The following ZC3H14 variants were observed in gnomAD, a reference collection of about 807,000 sequenced individuals.
The protein encoded by ZC3H14 is zinc finger CCCH-type containing 14.
In ZC3H14, 31 loss-of-function variants were observed where a neutral mutation model predicts 92.4. The observed-to-expected ratio is 0.34, with a 90% CI of 0.25 to 0.45. The LOEUF is 0.45. Ranked by LOEUF, ZC3H14 falls within the 20% of genes least tolerant of loss-of-function variation. The pLI is 1.00. For synonymous variants in ZC3H14, 321 were observed against 300.9 expected (o/e 1.07, Z -0.69); for missense variants, 781 against 897.3 (o/e 0.87, Z 1.66).
At chr14:88,598,467 C>G (rs1595745526) in intron 10 of ZC3H14, among the ~76,000 whole-genome samples, 1 of 152,176 alleles carries the variant, frequency 6.6e-6, no homozygotes, top group Non-Finnish European at 1.5e-5. Context: ...TAACCCTCCC[C>G]CAACCATTGT....
intron 10 of ZC3H14, 25 bp downstream of exon 10, chr14:88,596,833 G>A (rs755978102): frequency 2.3e-4 from 374 of 1,597,412 alleles, no homozygotes; most frequent in Non-Finnish European, 3.0e-4. Flanking sequence ...AAGTTGTACT[G>A]TAATCCAGCC....
intron 15 of ZC3H14, among the ~76,000 whole-genome samples, chr14:88,610,047 T>C (rs1216201052): frequency 6.6e-6 from 1 of 152,284 alleles, no homozygotes; most frequent in African/African-American, 2.4e-5. Flanking sequence ...AGTCACATTT[T>C]CCATTATTCC....
In ZC3H14 at chr14:88,609,816, A is replaced by G. The variant is rs776281647; in HGVS notation, c.2097+13A>G. On this transcript the variant is annotated intron_variant, in intron 15 of 16. Coordinates refer to ENST00000251038, the MANE Select transcript of ZC3H14 (RefSeq NM_024824.5). ...CTATCATCCAAAAGTAAGAACTTCTATTTTCTCAAATCAATTTAGTGACAA... is the reference window on the plus strand; with the variant it reads ...CTATCATCCAAAAGTAAGAACTTCTGTTTTCTCAAATCAATTTAGTGACAA... 2.4e-5 allele frequency: 39 copies of G among 1,610,660 alleles called. No individual in the cohort carries two copies. In the East Asian group the frequency reaches 4.7e-4, roughly 19 times the overall value.
chr14:88,581,829 AT>A (rs1430489182), intron 9 of ZC3H14, among the ~76,000 whole-genome samples: 4 of 152,246 alleles, frequency 2.6e-5, no homozygotes, highest in East Asian at 1.9e-4. Flanking sequence ...TCATAATGAC[AT>A]TTTAAAAAAA....
At chr14:88,593,771 A>T (rs1042536452) in intron 9 of ZC3H14, among the ~76,000 whole-genome samples, 3 of 152,216 alleles carry the variant, frequency 2.0e-5, no homozygotes, top group African/African-American at 7.2e-5. Flanking sequence ...GGAAAAAAAT[A>T]GATATGTCTT....
intron 1 of ZC3H14, 96 bp downstream of exon 1, chr14:88,563,265 GCCTGGCCTCC>G (rs2079101774): frequency 6.5e-7 from 1 of 1,543,476 alleles, no homozygotes; most frequent in Admixed American, 2.0e-5. Flanking sequence ...GGACGCCGCG[GCCTGGCCTCC>G]GCTGGACGCT....
chr14:88,572,600 G>A lies in ZC3H14; in HGVS notation c.454G>A (p.Ala152Thr). Reference sequence around the variant, plus strand: ...TAGACAGACTTACGATGATGGAGCTGCAACCCGACTAATGTCAACAGTGAA... The same window carrying A: ...TAGACAGACTTACGATGATGGAGCTACAACCCGACTAATGTCAACAGTGAA... ...NVRQTYDDGA[A>T]TRLMSTVKPL... Residue 152 changes from alanine (A) to threonine (T), a missense_variant, in exon 6 of 17, where the codon GCA becomes ACA. Coordinates refer to ENST00000251038, the MANE Select transcript of ZC3H14 (RefSeq NM_024824.5). 1 of 1,614,144 alleles carries A rather than the reference G, an allele frequency of 6.2e-7. No homozygotes were observed. The highest frequency in any genetic ancestry group is 2.2e-5 in the East Asian group (1 of 44,870).
intron 15 of ZC3H14, among the ~76,000 whole-genome samples, chr14:88,610,062 A>ATTTAAGTATATGGATGGGTTT (rs1180092034): frequency 1.3e-5 from 2 of 152,156 alleles, no homozygotes; most frequent in Non-Finnish European, 2.9e-5. Context: ...TATTCCCTGC[A>ATTTAAGTATATGGATGGGTTT]TTTAAGTATA....
At chr14:88,595,263 A>G (rs553495390) in intron 9 of ZC3H14, 4 of 1,398,466 alleles carry the variant, frequency 2.9e-6, no homozygotes, top group South Asian at 1.5e-5. Flanking sequence ...ATTCTGCTTG[A>G]TTTAGCTTAG....
At position 88,616,807 on chromosome 14, in the gene ZC3H14, T is replaced by A; in HGVS notation, c.*5056T>A. ...TAACAAGACTGATTCCTGAATGAGA[T>A]ACACAGGCACAGTTGACATCAGCTT... is the stretch of plus-strand genomic sequence containing the variant. On this transcript the variant is annotated 3_prime_UTR_variant, in exon 17 of 17. Transcript: ENST00000251038. 1 of 1,613,916 alleles carries A rather than the reference T, an allele frequency of 6.2e-7. No individual in the cohort carries two copies. The highest frequency in any genetic ancestry group is 1.3e-5 in the African/African-American group (1 of 75,054).
At chr14:88,573,499 T>C (rs999420086) in intron 6 of ZC3H14, among the ~76,000 whole-genome samples, 1 of 152,118 alleles carries the variant, frequency 6.6e-6, no homozygotes, top group African/African-American at 2.4e-5. Flanking sequence ...GATGGCGCGA[T>C]CTCAACTCAC....
intron 10 of ZC3H14, among the ~76,000 whole-genome samples, chr14:88,601,046 T>A (rs2084572146): frequency 6.6e-6 from 1 of 152,174 alleles, no homozygotes; most frequent in African/African-American, 2.4e-5. Flanking sequence ...TGCTAAGCTT[T>A]TCGTTGGTTC....
At chr14:88,609,171 C>G (rs2086117841) in intron 13 of ZC3H14, 96 bp from the exon 14 acceptor site, 1 of 1,462,964 alleles carries the variant, frequency 6.8e-7, no homozygotes, top group South Asian at 1.2e-5. Flanking sequence ...TTTCTCAAAA[C>G]AAGTAGTGAT....
chr14:88,594,879 T>C (rs1352279695), intron 9 of ZC3H14: 1 of 1,614,012 alleles, frequency 6.2e-7, no homozygotes. Context: ...CTGATATCAA[T>C]GAAATTAAAG....
At chr14:88,567,150 C>G (rs1250620511) in intron 2 of ZC3H14, among the ~76,000 whole-genome samples, 1 of 140,878 alleles carries the variant, frequency 7.1e-6, no homozygotes, top group Non-Finnish European at 1.5e-5. Context: ...GAGTCTTGCT[C>G]TGTTGCCCAG....
chr14:88,568,214 T>G, intron 3 of ZC3H14, 61 bp downstream of exon 3: 7 of 1,410,916 alleles, frequency 5.0e-6, no homozygotes, highest in Non-Finnish European at 7.0e-6. Context: ...GTTGATATTC[T>G]GTCCAAAGAG....
rs2080962515 is a variant in ZC3H14 at position 88,574,926 on chromosome 14, A to G, written c.1022+73A>G. On this transcript the variant is annotated intron_variant, in intron 7 of 16. Coordinates refer to ENST00000251038, the MANE Select transcript of ZC3H14 (RefSeq NM_024824.5). ...TCTTCCTGATTTATTGAAGAGAATA[A>G]TCACGAAAATAATTTTTGTTTGTTT... is the stretch of plus-strand genomic sequence containing the variant. The G allele has an allele frequency of 3.1e-6, 5 of 1,603,868 alleles. No homozygotes were observed. The East Asian group carries it at 1.1e-4, about 36-fold the overall frequency.
chr14:88,578,076 C>T lies in ZC3H14; in HGVS notation c.1215C>T (p.Thr405=). The part of the protein sequence containing the change: ...LAEVVQGQSR[T]PRISPPIKEE... ...AAGTGGTCCAGGGACAAAGTAGGAC[C>T]CCCAGAATAAGTCCCCCCATTAAAG... The change falls in exon 9 of 17, where the codon ACC becomes ACT. Residue 405 remains threonine (T), a synonymous_variant. Coordinates refer to ENST00000251038, the MANE Select transcript of ZC3H14 (RefSeq NM_024824.5). 1.2e-6 allele frequency: 2 copies of T among 1,613,930 alleles called. No homozygotes were observed. Among genetic ancestry groups the T allele is most frequent in the South Asian group, 1.1e-5 (1 of 91,068 alleles).
intron 16 of ZC3H14, among the ~76,000 whole-genome samples, chr14:88,611,216 C>A (rs964331272): frequency 2.0e-5 from 3 of 152,160 alleles, no homozygotes; most frequent in Non-Finnish European, 4.4e-5. Flanking sequence ...GCCTCAAACC[C>A]CTGGGTTCAA....
Sources: gnomAD v4.1 joint callset for allele counts (sites outside exome capture counted in the v4.1 genomes callset) on GRCh38, gnomAD v4.1.1 for gene constraint, MANE v1.5 for transcripts, NCBI Gene and HGNC (gene_info 2026-07-23, HGNC 2026-07-21) for gene names.